The following MCCC2 variants were observed in gnomAD, a reference collection of about 807,000 sequenced individuals.
The protein encoded by MCCC2 is methylcrotonyl-CoA carboxylase subunit 2.
A neutral mutation model predicts 77.2 loss-of-function variants in MCCC2; 52 were observed. The ratio of observed to expected loss-of-function variants is 0.67; its 90% CI spans 0.54 to 0.85. The LOEUF is 0.85. Ranked by LOEUF, MCCC2 falls within the 40% of genes least tolerant of loss-of-function variation. MCCC2 has a pLI of 0.00. For missense variants in MCCC2, 682 were observed against 703.2 expected, an observed-to-expected ratio of 0.97 and a Z score of 0.34; for synonymous variants, 253 against 248.4, an observed-to-expected ratio of 1.02 and a Z score of -0.18.
rs1029301011 is a variant in MCCC2 at position 71,656,917 on chromosome 5, C to A, written c.*57C>A. On this transcript the variant is annotated 3_prime_UTR_variant, in exon 17 of 17. Coordinates refer to ENST00000340941, the MANE Select transcript of MCCC2 (RefSeq NM_022132.5). ...TACTGAAAATTAACACATGTAGTAG[C>A]CTTAAAATTTTAGACTTCTCGAACA... 2.9e-6 allele frequency: 4 copies of A among 1,369,262 alleles called. No individual in the cohort carries two copies. The highest frequency in any genetic ancestry group is 4.2e-6 in the Non-Finnish European group (4 of 958,202). The allele number at this position is 1,369,262 out of a possible 1,614,324, so 84.8% of individuals were successfully genotyped here.
At chr5:71,632,754 C>T (rs1580317350) in intron 8 of MCCC2, among the ~76,000 whole-genome samples, 1 of 152,072 alleles carries the variant, frequency 6.6e-6, no homozygotes, top group East Asian at 1.9e-4. Flanking sequence ...CAACATGATG[C>T]CTCTATGTGG....
chr5:71,602,311 T>G (rs1483164841), intron 4 of MCCC2, among the ~76,000 whole-genome samples, 195 bp from the exon 5 acceptor site: 1 of 152,220 alleles, frequency 6.6e-6, no homozygotes, highest in Admixed American at 6.5e-5. Flanking sequence ...GAAGTAATTG[T>G]TTTGTATTAT....
At chr5:71,641,216 A>T in intron 11 of MCCC2, 141 bp downstream of exon 11, 2 of 733,192 alleles carry the variant, frequency 2.7e-6, no homozygotes, top group South Asian at 3.1e-5. Flanking sequence ...TTTAAAAGGA[A>T]CTGCTTTATA....
intron 6 of MCCC2, among the ~76,000 whole-genome samples, chr5:71,618,489 C>CT (rs1746246252): frequency 8.0e-4 from 4 of 5,010 alleles, no homozygotes; most frequent in African/African-American, 2.7e-3. Flanking sequence ...TTCTTTCCTT[C>CT]TTCCTTCCTT....
intron 1 of MCCC2, among the ~76,000 whole-genome samples, chr5:71,590,454 C>T (rs957905666): frequency 2.0e-5 from 3 of 152,134 alleles, no homozygotes; most frequent in African/African-American, 7.2e-5. Flanking sequence ...TGTTTAATTT[C>T]CATATATTTG....
Position 71,587,377 on chromosome 5 carries a change from A to G in MCCC2, c.-49A>G, listed in dbSNP as rs1744797892. On this transcript the variant is annotated 5_prime_UTR_variant, in exon 1 of 17. Coordinates refer to ENST00000340941, the MANE Select transcript of MCCC2 (RefSeq NM_022132.5). ...AGCCAGGGAAGCGGCAGGGGAAAGC[A>G]CCGGCTCCAGGCCAGCGTGGGCCGC... The G allele has an allele frequency of 1.3e-6, 2 of 1,526,286 alleles. No individual in the cohort carries two copies. The highest frequency in any genetic ancestry group is 1.8e-6 in the Non-Finnish European group (2 of 1,142,554). 94.5% of individuals were successfully genotyped at this position (1,526,286 alleles called of 1,614,324 possible).
chr5:71,646,018 T>C (rs1747263542), intron 12 of MCCC2, among the ~76,000 whole-genome samples, 193 bp from the exon 13 acceptor site: 1 of 151,774 alleles, frequency 6.6e-6, no homozygotes, highest in Non-Finnish European at 1.5e-5. Context: ...GCTATAATTG[T>C]GCCACTGTAC....
rs1044879298 is a variant in MCCC2, at chr5:71,587,628, C to T, written c.129+74C>T. ...CAAGTGGAGGAGGGGCACGCTTCAA[C>T]AACTGCTGCTCTCTTGTCCGGAGCC... On this transcript the variant is annotated intron_variant, in intron 1 of 16. Transcript: ENST00000340941. 40 of 1,508,614 alleles carry T rather than the reference C, an allele frequency of 2.7e-5. No homozygotes were observed. The Admixed American group carries it at 4.0e-4, about 15-fold the overall frequency. 93.5% of individuals were successfully genotyped at this position (1,508,614 alleles called of 1,614,324 possible).
At chr5:71,634,842 A>C (rs1746862077) in intron 8 of MCCC2, 101 bp from the exon 9 acceptor site, 1 of 1,041,196 alleles carries the variant, frequency 9.6e-7, no homozygotes. Flanking sequence ...TTAGAAGTAA[A>C]AGTGCTGTCA....
intron 2 of MCCC2, among the ~76,000 whole-genome samples, chr5:71,594,498 A>G (rs796930461): frequency 6.7e-6 from 1 of 149,028 alleles, no homozygotes; most frequent in African/African-American, 2.5e-5. Context: ...ATTGCACTCT[A>G]GCCTGGGTAA....
At chr5:71,643,702 T>C in intron 11 of MCCC2, 117 bp from the exon 12 acceptor site, 1 of 1,600,550 alleles carries the variant, frequency 6.2e-7, no homozygotes, top group Non-Finnish European at 8.5e-7. Flanking sequence ...AGACAAAATC[T>C]CTTTGCATTT....
At chr5:71,602,197 A>C (rs1315387193) in intron 4 of MCCC2, among the ~76,000 whole-genome samples, 1 of 151,888 alleles carries the variant, frequency 6.6e-6, no homozygotes, top group Non-Finnish European at 1.5e-5. Context: ...GGACCTTTTC[A>C]TTCAAAGAAC....
intron 6 of MCCC2, among the ~76,000 whole-genome samples, chr5:71,616,719 T>G (rs1746166546): frequency 6.6e-6 from 1 of 152,194 alleles, no homozygotes; most frequent in Admixed American, 6.5e-5. Context: ...GCATTTTCCC[T>G]TACTTAATCC....
At chr5:71,611,917 T>G (rs1407778925) in intron 6 of MCCC2, among the ~76,000 whole-genome samples, 3 of 151,744 alleles carry the variant, frequency 2.0e-5, no homozygotes, top group Non-Finnish European at 4.4e-5. Context: ...GCCTCCTGAG[T>G]AGCTGGGACT....
chr5:71,617,283 C>T (rs928028577), intron 6 of MCCC2, among the ~76,000 whole-genome samples: 2 of 152,194 alleles, frequency 1.3e-5, no homozygotes, highest in African/African-American at 4.8e-5. Context: ...TCAAATGCCA[C>T]CCTTTTAAGG....
At chr5:71,601,010 C>A (rs1188245826) in intron 4 of MCCC2, among the ~76,000 whole-genome samples, 1 of 152,184 alleles carries the variant, frequency 6.6e-6, no homozygotes, top group Admixed American at 6.5e-5. Flanking sequence ...CCCTGTGCCC[C>A]CCTTTAAGGC....
intron 6 of MCCC2, among the ~76,000 whole-genome samples, chr5:71,625,005 A>G (rs1325756227): frequency 6.6e-6 from 1 of 151,388 alleles, no homozygotes; most frequent in Non-Finnish European, 1.5e-5. Flanking sequence ...GTCTAACTAC[A>G]TTTCAACACA....
rs1449936582 is a variant in MCCC2 at position 71,652,544 on chromosome 5, C to T, written c.1489-125C>T. ...TAATGATCACTTGTAATTTATACAT[C>T]ACTATGCACATGTTAGATGTAACAT... On this transcript the variant is annotated intron_variant, in intron 15 of 16. Transcript: ENST00000340941. 3.9e-6 allele frequency: 3 copies of T among 771,908 alleles called. No individual in the cohort carries two copies. The African/African-American group carries it at 5.2e-5, about 13-fold the overall frequency. 47.8% of individuals were successfully genotyped at this position (771,908 alleles called of 1,614,324 possible).
At chr5:71,610,872 G>A (rs1745909728) in intron 6 of MCCC2, among the ~76,000 whole-genome samples, 1 of 152,160 alleles carries the variant, frequency 6.6e-6, no homozygotes, top group Admixed American at 6.5e-5. Flanking sequence ...TGTAGTCCCA[G>A]CAACTTGGGA....
Sources: gnomAD v4.1 joint callset for allele counts (sites outside exome capture counted in the v4.1 genomes callset) on GRCh38, gnomAD v4.1.1 for gene constraint, MANE v1.5 for transcripts, NCBI Gene and HGNC (gene_info 2026-07-23, HGNC 2026-07-21) for gene names.